Variants in SMAD9 observed in about 807,000 individuals in gnomAD.
SMAD9 encodes MAD homolog 9.
SMAD9 carries 36 observed loss-of-function variants against 46.1 expected under a neutral mutation model. That is an observed-to-expected ratio of 0.78 (90% CI 0.60 to 1.03). SMAD9 has a LOEUF of 1.03. Among genes scored for constraint, SMAD9 ranks in the 50% least tolerant of loss-of-function variants. The pLI is 0.00. For synonymous variants in SMAD9, 245 were observed against 237.1 expected, an observed-to-expected ratio of 1.03 and a Z score of -0.31; for missense variants, 572 against 599.8, an observed-to-expected ratio of 0.95 and a Z score of 0.48.
chr13:36,906,287 T>C (rs1163641244), intron 1 of SMAD9, among the ~76,000 whole-genome samples: 1 of 152,126 alleles, frequency 6.6e-6, no homozygotes, highest in Admixed American at 6.5e-5. Context: ...AACAGGAAAT[T>C]TTAAAAAATG....
chr13:36,848,622 G>A lies in SMAD9; in HGVS notation c.*54C>T, dbSNP rs1343539673. On this transcript the variant is annotated 3_prime_UTR_variant, in exon 7 of 7. Coordinates refer to ENST00000379826, the MANE Select transcript of SMAD9 (RefSeq NM_001127217.3). ...CAGTTGCAAATCTGAAATGATACAA[G>A]CCACTCCCTGCAATAGCCTCTATCC... is the stretch of plus-strand genomic sequence containing the variant. The A allele has an allele frequency of 1.3e-6, 2 of 1,538,910 alleles. No individual in the cohort carries two copies. The highest frequency in any genetic ancestry group is 4.5e-5 in the East Asian group (2 of 44,522).
chr13:36,879,721 G>T lies in SMAD9; in HGVS notation c.-32C>A. On this transcript the variant is annotated 5_prime_UTR_variant, in exon 2 of 7. Coordinates refer to ENST00000379826, the MANE Select transcript of SMAD9 (RefSeq NM_001127217.3). ...CCACAGCAGGCTCCGGCGCGCACGGGAACCGCACAGCCCTTCACGGCAAAG... is the reference window on the plus strand; with the variant it reads ...CCACAGCAGGCTCCGGCGCGCACGGTAACCGCACAGCCCTTCACGGCAAAG... The T allele has an allele frequency of 1.2e-6, 2 of 1,611,844 alleles. No individual in the cohort carries two copies. The highest frequency in any genetic ancestry group is 1.7e-6 in the Non-Finnish European group (2 of 1,179,882).
chr13:36,905,774 CAAAAAAAAAAAAAAAAAAAAAAAAAAA>C (rs60358673), intron 1 of SMAD9, among the ~76,000 whole-genome samples: 3 of 66,450 alleles, frequency 4.5e-5, no homozygotes, highest in Non-Finnish European at 8.3e-5. Context: ...GACCCTGTCT[CAAAAAAAAAAAAAAAAAAAAAAAAAAA>C]AAAAAAAAAA....
At chr13:36,876,138 C>G (rs2058343481) in intron 2 of SMAD9, among the ~76,000 whole-genome samples, 6 of 152,060 alleles carry the variant, frequency 3.9e-5, no homozygotes, top group Non-Finnish European at 1.5e-5. Context: ...CTATCTTATG[C>G]CACTTTTAAA....
chr13:36,861,644 T>A (rs1443862173), intron 5 of SMAD9, among the ~76,000 whole-genome samples: 1 of 149,712 alleles, frequency 6.7e-6, no homozygotes, highest in Admixed American at 6.7e-5. Flanking sequence ...AAATGATATA[T>A]TCAGGCCAGG....
intron 1 of SMAD9, among the ~76,000 whole-genome samples, chr13:36,916,416 C>T (rs377290278): frequency 6.6e-6 from 1 of 152,198 alleles, no homozygotes; most frequent in Non-Finnish European, 1.5e-5. Flanking sequence ...GAGAAGGAGG[C>T]TCTCAACTGG....
intron 1 of SMAD9, among the ~76,000 whole-genome samples, chr13:36,903,938 T>G (rs1444121270): frequency 6.6e-6 from 1 of 152,190 alleles, no homozygotes; most frequent in Admixed American, 6.6e-5. Context: ...AGTAATTTTC[T>G]TTGATGCATA....
intron 1 of SMAD9, among the ~76,000 whole-genome samples, chr13:36,904,746 G>A (rs2138657091): frequency 6.6e-6 from 1 of 152,212 alleles, no homozygotes; most frequent in East Asian, 1.9e-4. Flanking sequence ...TTGTCCATTT[G>A]TCTCTTTATT....
chr13:36,857,264 G>T (rs1487216952), intron 5 of SMAD9, among the ~76,000 whole-genome samples: 1 of 152,128 alleles, frequency 6.6e-6, no homozygotes, highest in African/African-American at 2.4e-5. Flanking sequence ...TAATTTAGTA[G>T]CATTAGAAGT....
At chr13:36,853,742 T>G in intron 5 of SMAD9, 67 bp from the exon 6 acceptor site, 4 of 1,558,918 alleles carry the variant, frequency 2.6e-6, no homozygotes, top group Non-Finnish European at 3.5e-6. Flanking sequence ...CACTGATTCC[T>G]GAAACCCTAG....
At chr13:36,906,171 G>A (rs546210962) in intron 1 of SMAD9, among the ~76,000 whole-genome samples, 32 of 152,102 alleles carry the variant, frequency 2.1e-4, no homozygotes, top group African/African-American at 7.2e-4. Context: ...GTCATTGAAT[G>A]TTATATCACA....
At chr13:36,877,259 G>T (rs889831419) in intron 2 of SMAD9, among the ~76,000 whole-genome samples, 2 of 152,214 alleles carry the variant, frequency 1.3e-5, no homozygotes, top group African/African-American at 4.8e-5. Flanking sequence ...CTACTCAGGA[G>T]GCTGAGGCAG....
At position 36,918,756 on chromosome 13, in the gene SMAD9, C is replaced by T. The variant is rs576139813; in HGVS notation, c.-187+1360G>A. On this transcript the variant is annotated intron_variant, in intron 1 of 6. Coordinates refer to ENST00000379826, the MANE Select transcript of SMAD9 (RefSeq NM_001127217.3). ...TTTAAATGCCTTCTTAAATATAGAT[C>T]ACTATTTTTAAAATGTAAACATCCA... 5.0e-4 allele frequency among the ~76,000 whole-genome samples: 76 copies of T among 152,240 alleles called. 1 individual carries two copies. Among genetic ancestry groups the T allele is most frequent in the African/African-American group, 1.7e-3 (69 of 41,532 alleles).
chr13:36,887,519 G>A (rs2058457256), intron 1 of SMAD9, among the ~76,000 whole-genome samples: 1 of 152,024 alleles, frequency 6.6e-6, no homozygotes, highest in Non-Finnish European at 1.5e-5. Context: ...CATTGCGCCT[G>A]GCCGACTTGA....
intron 5 of SMAD9, among the ~76,000 whole-genome samples, chr13:36,858,221 A>G (rs36028156): frequency 0.028 from 4,318 of 151,764 alleles, 97 homozygotes; most frequent in South Asian, 0.12. Context: ...AAAAATACTA[A>G]TAATATAAAA....
intron 2 of SMAD9, among the ~76,000 whole-genome samples, chr13:36,875,457 C>T (rs757824826): frequency 2.2e-4 from 33 of 152,142 alleles, no homozygotes; most frequent in Non-Finnish European, 3.4e-4. Context: ...CTATTGTATA[C>T]GTATGCTGCC....
rs376886049 is a variant in SMAD9, at chr13:36,875,605, G to C, written c.413-2690C>G. 1.2e-4 allele frequency among the ~76,000 whole-genome samples: 18 copies of C among 152,312 alleles called. No homozygotes were observed. In the East Asian group the frequency reaches 2.1e-3, roughly 18 times the overall value. ...AGATTATGTGCCTCATGAATAGTCT[G>C]AAGTGAGGAGTTGACACAGCGAATG... On this transcript the variant is annotated intron_variant, in intron 2 of 6. Transcript: ENST00000379826.
chr13:36,851,637 C>T, intron 6 of SMAD9: 1 of 597,058 alleles, frequency 1.7e-6, no homozygotes, highest in Non-Finnish European at 2.1e-6. Context: ...CTGACTAAGT[C>T]CTAGAATCAG....
chr13:36,879,116 C>T (rs2058374977), intron 2 of SMAD9, among the ~76,000 whole-genome samples, 162 bp downstream of exon 2: 1 of 151,744 alleles, frequency 6.6e-6, no homozygotes, highest in Admixed American at 6.6e-5. Flanking sequence ...TTCCGGGAAA[C>T]AAAATTTTGG....
Sources: allele counts gnomAD v4.1 joint callset (sites outside exome capture counted in the v4.1 genomes callset), GRCh38; gene constraint gnomAD v4.1.1; transcripts MANE v1.5; gene names NCBI Gene and HGNC (gene_info 2026-07-23, HGNC 2026-07-21).